The following TNNI3K variants were observed in gnomAD, a reference collection of about 807,000 sequenced individuals.
TNNI3K encodes the protein TNNI3 interacting kinase.
Under a neutral mutation model 114.5 loss-of-function variants are expected in TNNI3K, and 140 were observed. That is an observed-to-expected ratio of 1.22 (90% CI 1.07 to 1.41). The LOEUF is 1.41. TNNI3K is among the 40% of genes most tolerant of loss of function. The pLI is 0.00. For missense variants in TNNI3K, 1,125 were observed against 1,007.6 expected (o/e 1.12, Z -1.58); for synonymous variants, 347 against 347.5 (o/e 1.00, Z 0.02).
At chr1:74,358,955 C>A (rs1661807333) in intron 11 of TNNI3K, among the ~76,000 whole-genome samples, 1 of 151,778 alleles carries the variant, frequency 6.6e-6, no homozygotes, top group African/African-American at 2.4e-5. Flanking sequence ...ATAATTTAAT[C>A]AAAATAACCC....
intron 9 of TNNI3K, among the ~76,000 whole-genome samples, chr1:74,347,710 G>T (rs1661094118): frequency 6.6e-6 from 1 of 152,136 alleles, no homozygotes; most frequent in Non-Finnish European, 1.5e-5. Context: ...GTGTGAGATG[G>T]TATCTCATTG....
At chr1:74,249,820 G>T (rs981536518) in intron 3 of TNNI3K, among the ~76,000 whole-genome samples, 3 of 152,162 alleles carry the variant, frequency 2.0e-5, no homozygotes, top group African/African-American at 7.2e-5. Context: ...TATTGGGCAT[G>T]CCAGTCAGGG....
rs991382961 is a variant in TNNI3K at position 74,540,287 on chromosome 1, T to C, written c.2405T>C (p.Leu802Pro). 6.2e-7 allele frequency: 1 copy of C among 1,612,616 alleles called. No individual in the cohort carries two copies. The highest frequency in any genetic ancestry group is 8.5e-7 in the Non-Finnish European group (1 of 1,179,110). Residue 802 changes from leucine (L) to proline (P), a missense_variant, in exon 24 of 25, where the codon CTT (leucine) becomes CCT (proline). Physicochemically the swap from Leu to Pro is moderately conservative, Grantham distance 98. Transcript: ENST00000326637. ...GLSLEEMKRS[L>P]QYTPIDKYGY... ...TCTTTGGAGGAGATGAAAAGAAGTC[T>C]TCAATACACACCCATTGACAAATAT...
At chr1:74,249,596 C>A in intron 3 of TNNI3K, 52 bp downstream of exon 3, 1 of 1,564,506 alleles carries the variant, frequency 6.4e-7, no homozygotes, top group Non-Finnish European at 8.7e-7. Flanking sequence ...TGTATATCGT[C>A]AGTGACTTGA....
intron 11 of TNNI3K, among the ~76,000 whole-genome samples, chr1:74,362,542 T>C (rs1662023872): frequency 2.0e-5 from 3 of 152,150 alleles, no homozygotes; most frequent in Admixed American, 2.0e-4. Context: ...TCATTGTTTT[T>C]AAGTTAAAAT....
At chr1:74,374,612 A>G (rs1442627854) in intron 17 of TNNI3K, 2 of 151,942 alleles carry the variant, frequency 1.3e-5, no homozygotes, top group East Asian at 3.9e-4. Flanking sequence ...TTCTCATATC[A>G]TCTTATGCTT....
intron 21 of TNNI3K, chr1:74,470,114 T>G (rs1667851712): frequency 2.5e-6 from 1 of 400,632 alleles, no homozygotes. Context: ...TGAACTTCTC[T>G]AAAATTATGT....
In TNNI3K at chr1:74,249,462, T is replaced by C. The variant is rs1448602301; in HGVS notation, c.153T>C (p.Ser51=). Residue 51 remains serine (S), a synonymous_variant, in exon 3 of 25, where the codon TCT becomes TCC. Transcript: ENST00000326637. ...ELTELRNIFG[S]DEAFSKVNLN... is the part of the protein sequence containing the mutation. ...ATCTGTAACATGTTTTTTTCAGCTC[T>C]GATGAAGCCTTCAGTAAAGTCAATT... is the stretch of plus-strand genomic sequence containing the variant. 4.3e-6 allele frequency: 7 copies of C among 1,612,400 alleles called. No homozygotes were observed.
At chr1:74,466,236 A>G (rs1304864787) in intron 21 of TNNI3K, among the ~76,000 whole-genome samples, 1 of 152,182 alleles carries the variant, frequency 6.6e-6, no homozygotes. Context: ...GAACCCACCA[A>G]TTCTGGACAC....
rs12121557 is a variant in TNNI3K, at chr1:74,365,762, G to A, written c.1178-1494G>A. On this transcript the variant is annotated intron_variant, in intron 11 of 24. Coordinates refer to ENST00000326637, the MANE Select transcript of TNNI3K (RefSeq NM_015978.3). ...TTTCCCTGATCGTGAGCTCGCTGCA[G>A]TCCAAAGAAAGAATGCCAATGGGAC... is the stretch of plus-strand genomic sequence containing the variant. Among the ~76,000 whole-genome samples, 230 of 152,150 alleles carry A rather than the reference G, an allele frequency of 1.5e-3. 2 individuals carry two copies. The highest frequency in any genetic ancestry group is 3.4e-3 in the Middle Eastern group (1 of 294).
intron 17 of TNNI3K, chr1:74,370,699 G>T: frequency 5.0e-6 from 1 of 198,150 alleles, no homozygotes; most frequent in Non-Finnish European, 1.0e-5. Flanking sequence ...TGAGCTAAAT[G>T]GCTATTAAAA....
chr1:74,295,066 A>T (rs1242553499), intron 5 of TNNI3K, among the ~76,000 whole-genome samples: 2 of 152,154 alleles, frequency 1.3e-5, no homozygotes, highest in South Asian at 4.1e-4. Flanking sequence ...GAATTTTTAT[A>T]TATTTACACA....
intron 20 of TNNI3K, among the ~76,000 whole-genome samples, chr1:74,459,209 G>A (rs150366862): frequency 1.2e-3 from 181 of 152,246 alleles, no homozygotes; most frequent in African/African-American, 4.2e-3. Flanking sequence ...GTAGCTGGAG[G>A]CCATTATCCT....
intron 17 of TNNI3K, among the ~76,000 whole-genome samples, chr1:74,413,522 A>G (rs533179616): frequency 6.6e-6 from 1 of 152,324 alleles, no homozygotes; most frequent in Admixed American, 6.5e-5. Context: ...TGATATGTTA[A>G]TGTTTAAGAA....
At chr1:74,471,433 T>A (rs1410818530) in intron 21 of TNNI3K, 1 of 400,604 alleles carries the variant, frequency 2.5e-6, no homozygotes, top group East Asian at 3.6e-5. Flanking sequence ...TTTTTCTGGA[T>A]GGACTCTGAC....
chr1:74,236,965 G>GTTA (rs1653893836), intron 2 of TNNI3K, among the ~76,000 whole-genome samples: 1 of 151,804 alleles, frequency 6.6e-6, no homozygotes, highest in Non-Finnish European at 1.5e-5. Flanking sequence ...TTATAGCTGT[G>GTTA]TTATGTAATG....
At position 74,439,504 on chromosome 1, in the gene TNNI3K, G is replaced by A; in HGVS notation, c.1893G>A (p.Met631Ile). The A allele has an allele frequency of 3.7e-6, 6 of 1,611,956 alleles. No homozygotes were observed. Among genetic ancestry groups the A allele is most frequent in the African/African-American group, 1.3e-5 (1 of 74,882 alleles). Residue 631 changes from methionine to isoleucine, a missense_variant, in exon 20 of 25, where the codon ATG (methionine) becomes ATA (isoleucine). Coordinates refer to ENST00000326637, the MANE Select transcript of TNNI3K (RefSeq NM_015978.3). ...TTGATGTGCAGAACCTCCGTTGGAT[G>A]GCTCCTGAGGTGTTCACGCAGTGCA... is the stretch of plus-strand genomic sequence containing the variant. ...MTKQPGNLRW[M>I]APEVFTQCTR...
chr1:74,303,365 A>C (rs998966891), intron 5 of TNNI3K, among the ~76,000 whole-genome samples: 2 of 151,850 alleles, frequency 1.3e-5, no homozygotes, highest in Admixed American at 6.6e-5. Flanking sequence ...GGGTTTCGCT[A>C]TGTTGGCCAG....
At chr1:74,356,213 A>G (rs1297208210) in intron 11 of TNNI3K, among the ~76,000 whole-genome samples, 2 of 152,162 alleles carry the variant, frequency 1.3e-5, no homozygotes, top group Non-Finnish European at 2.9e-5. Flanking sequence ...TAGATTGTTC[A>G]TTCTTATCAT....
Sources: allele counts gnomAD v4.1 joint callset (sites outside exome capture counted in the v4.1 genomes callset), GRCh38; gene constraint gnomAD v4.1.1; transcripts MANE v1.5; gene names NCBI Gene and HGNC (gene_info 2026-07-23, HGNC 2026-07-21).